Variants in PRKG1 observed in about 807,000 individuals in gnomAD.
PRKG1 encodes protein kinase cGMP-dependent 1.
Under a neutral mutation model 88.1 loss-of-function variants are expected in PRKG1, and 35 were observed. The observed-to-expected ratio is 0.40, with a 90% CI of 0.30 to 0.53. PRKG1 has a LOEUF of 0.53. PRKG1 is among the 20% of genes least tolerant of loss of function. The pLI is 0.59. For missense variants in PRKG1, 540 were observed against 839.8 expected, an observed-to-expected ratio of 0.64 and a Z score of 4.41; for synonymous variants, 303 against 292.5, an observed-to-expected ratio of 1.04 and a Z score of -0.37.
intron 1 of PRKG1, among the ~76,000 whole-genome samples, chr10:51,044,124 A>C (rs898541396): frequency 6.6e-6 from 1 of 152,184 alleles, no homozygotes; most frequent in Non-Finnish European, 1.5e-5. Flanking sequence ...TTAATCCTCC[A>C]TGACTTCCAT....
At chr10:51,180,320 C>T (rs1279817501) in intron 2 of PRKG1, among the ~76,000 whole-genome samples, 4 of 152,068 alleles carry the variant, frequency 2.6e-5, no homozygotes, top group Non-Finnish European at 2.9e-5. Context: ...TTGTCTGATT[C>T]TTTTTTACTT....
intron 3 of PRKG1, among the ~76,000 whole-genome samples, chr10:51,603,208 T>C (rs1018501489): frequency 6.6e-6 from 1 of 152,132 alleles, no homozygotes; most frequent in African/African-American, 2.4e-5. Flanking sequence ...TCTGCCCACC[T>C]TGGCCTCCCA....
At chr10:52,174,952 C>T (rs955393307) in intron 9 of PRKG1, among the ~76,000 whole-genome samples, 6 of 151,850 alleles carry the variant, frequency 4.0e-5, no homozygotes, top group South Asian at 2.1e-4. Context: ...CTGATCAGGG[C>T]GATTAGCATA....
intron 3 of PRKG1, among the ~76,000 whole-genome samples, chr10:51,662,752 A>C (rs11595391): frequency 6.6e-6 from 1 of 151,960 alleles, no homozygotes; most frequent in Non-Finnish European, 1.5e-5. Context: ...AAAACTTCAG[A>C]GATGGGAATA....
At chr10:51,005,120 T>C (rs916511651) in intron 1 of PRKG1, among the ~76,000 whole-genome samples, 2 of 152,200 alleles carry the variant, frequency 1.3e-5, no homozygotes, top group Non-Finnish European at 2.9e-5. Context: ...TTTGCAAACA[T>C]TTATTTGGAT....
In PRKG1 at chr10:51,557,005, G is replaced by A. The variant is rs148432939; in HGVS notation, c.592+89169G>A. The stretch of plus-strand genomic sequence containing the variant: ...TGTCTAATTTATCACTTTGACAGAC[G>A]GCTTTCTTTTGACTCTTCTTTTTCT... On this transcript the variant is annotated intron_variant, in intron 3 of 17. Coordinates refer to ENST00000373980, the MANE Select transcript of PRKG1 (RefSeq NM_006258.4). Among the ~76,000 whole-genome samples, 353 of 151,952 alleles carry A rather than the reference G, an allele frequency of 2.3e-3. 3 individuals are homozygous for A. In the Middle Eastern group the frequency reaches 0.044, roughly 19 times the overall value.
At chr10:51,352,636 T>C (rs1001752397) in intron 2 of PRKG1, among the ~76,000 whole-genome samples, 4 of 152,100 alleles carry the variant, frequency 2.6e-5, no homozygotes, top group Non-Finnish European at 5.9e-5. Flanking sequence ...GTTCCTGATT[T>C]GGAGGAATAA....
At chr10:51,903,125 A>G (rs1372889213) in intron 4 of PRKG1, among the ~76,000 whole-genome samples, 1 of 152,182 alleles carries the variant, frequency 6.6e-6, no homozygotes, top group Non-Finnish European at 1.5e-5. Flanking sequence ...AAAATGGGAC[A>G]TCTACTAATA....
intron 2 of PRKG1, among the ~76,000 whole-genome samples, chr10:51,187,154 A>G (rs958866692): frequency 6.6e-5 from 10 of 151,602 alleles, no homozygotes; most frequent in African/African-American, 2.4e-4. Context: ...AATCTTGATA[A>G]TCTTGGCTTG....
intron 4 of PRKG1, among the ~76,000 whole-genome samples, chr10:51,898,602 A>G (rs973187308): frequency 2.0e-5 from 3 of 152,150 alleles, no homozygotes; most frequent in African/African-American, 7.2e-5. Context: ...TGGGAGGCAA[A>G]GGAGGGAGGA....
chr10:51,560,861 T>G (rs1837440132), intron 3 of PRKG1, among the ~76,000 whole-genome samples: 1 of 152,064 alleles, frequency 6.6e-6, no homozygotes, highest in African/African-American at 2.4e-5. Context: ...GTATATGCTA[T>G]TGTGTTATAA....
intron 10 of PRKG1, among the ~76,000 whole-genome samples, chr10:52,260,139 A>C (rs111808608): frequency 2.0e-4 from 31 of 151,794 alleles, no homozygotes; most frequent in African/African-American, 7.0e-4. Context: ...CCTGTCTCCC[A>C]GCACTTTTTC....
At chr10:51,506,374 C>A (rs1841204869) in intron 3 of PRKG1, among the ~76,000 whole-genome samples, 1 of 152,074 alleles carries the variant, frequency 6.6e-6, no homozygotes, top group South Asian at 2.1e-4. Flanking sequence ...AGGCAACCTA[C>A]AGAATGGGAG....
chr10:51,025,785 GAT>G (rs1432311596), intron 1 of PRKG1, among the ~76,000 whole-genome samples: 1 of 152,194 alleles, frequency 6.6e-6, no homozygotes, highest in African/African-American at 2.4e-5. Context: ...AAAATTATTT[GAT>G]TCTCATAAAT....
intron 3 of PRKG1, among the ~76,000 whole-genome samples, chr10:51,674,420 G>T (rs1486103886): frequency 6.6e-6 from 1 of 151,996 alleles, no homozygotes; most frequent in Non-Finnish European, 1.5e-5. Flanking sequence ...GTTTGGCATA[G>T]GACTGGGGTT....
At chr10:51,290,331 A>G (rs1037034741) in intron 2 of PRKG1, among the ~76,000 whole-genome samples, 2 of 152,220 alleles carry the variant, frequency 1.3e-5, no homozygotes, top group African/African-American at 4.8e-5. Flanking sequence ...GTGCATCTGC[A>G]TAAATGCTGC....
intron 4 of PRKG1, among the ~76,000 whole-genome samples, chr10:51,846,430 C>A (rs1840399627): frequency 6.6e-6 from 1 of 152,034 alleles, no homozygotes; most frequent in Non-Finnish European, 1.5e-5. Flanking sequence ...TTGATCATGA[C>A]CTTCGCCATC....
At chr10:51,163,125 G>A (rs1846410799) in intron 2 of PRKG1, among the ~76,000 whole-genome samples, 1 of 152,102 alleles carries the variant, frequency 6.6e-6, no homozygotes, top group Admixed American at 6.5e-5. Context: ...AGATCACACC[G>A]CTACACTCCA....
chr10:51,242,403 A>G (rs942461230), intron 2 of PRKG1, among the ~76,000 whole-genome samples: 2 of 152,188 alleles, frequency 1.3e-5, no homozygotes, highest in South Asian at 2.1e-4. Context: ...ATTAGATTGG[A>G]TAGGGTATAA....
Sources: allele counts gnomAD v4.1 joint callset (sites outside exome capture counted in the v4.1 genomes callset), GRCh38; gene constraint gnomAD v4.1.1; transcripts MANE v1.5; gene names NCBI Gene and HGNC (gene_info 2026-07-23, HGNC 2026-07-21).